Variants in MPHOSPH9 observed in about 807,000 individuals in gnomAD.
MPHOSPH9 encodes the protein M-phase phosphoprotein 9.
Under a neutral mutation model 145.5 loss-of-function variants are expected in MPHOSPH9, and 88 were observed. That is an observed-to-expected ratio of 0.60 (90% CI 0.51 to 0.72). The LOEUF is 0.72. MPHOSPH9 is among the 30% of genes least tolerant of loss of function. The probability of loss-of-function intolerance (pLI) is 0.00; values close to 1 mark genes in which losing one functional copy is unlikely to be tolerated. For missense variants in MPHOSPH9, 1,238 were observed against 1,386.6 expected, an observed-to-expected ratio of 0.89 and a Z score of 1.70; for synonymous variants, 435 against 486.2, an observed-to-expected ratio of 0.89 and a Z score of 1.39.
At chr12:123,238,044 C>T (rs1418984196), upstream of MPHOSPH9, among the ~76,000 whole-genome samples, 2 of 151,970 alleles carry the variant, frequency 1.3e-5, no homozygotes, top group African/African-American at 2.4e-5. Flanking sequence ...TACAGGTGCA[C>T]ACCACCACAT....
At chr12:123,208,325 T>C (rs2138426269) in intron 8 of MPHOSPH9, among the ~76,000 whole-genome samples, 1 of 150,042 alleles carries the variant, frequency 6.7e-6, no homozygotes, top group South Asian at 2.1e-4. Flanking sequence ...AATCACGAGG[T>C]CAAGAGATCG....
intron 6 of MPHOSPH9, 127 bp downstream of exon 6, chr12:123,218,249 A>C (rs539004917): frequency 2.8e-4 from 387 of 1,377,144 alleles, no homozygotes; most frequent in Middle Eastern, 8.0e-4. Context: ...ACAACAACAA[A>C]AAAAATGTAT....
intron 1 of MPHOSPH9, among the ~76,000 whole-genome samples, chr12:123,241,657 A>G (rs1327300876): frequency 6.6e-6 from 1 of 151,398 alleles, no homozygotes; most frequent in Non-Finnish European, 1.5e-5. Flanking sequence ...TTTTTTAGAG[A>G]TGAGGTCTCC....
chr12:123,152,557 G>A (rs1223356005), downstream of MPHOSPH9: 2 of 456,588 alleles, frequency 4.4e-6, no homozygotes, highest in South Asian at 3.1e-5. Flanking sequence ...TGTAGTCATA[G>A]AGATGACATG....
chr12:123,214,766 A>G lies in MPHOSPH9; in HGVS notation c.1065T>C (p.Ala355=). The G allele has an allele frequency of 6.2e-7, 1 of 1,613,028 alleles. No individual in the cohort carries two copies. The highest frequency in any genetic ancestry group is 1.1e-5 in the South Asian group (1 of 91,038). ...TACCTGTTCCTGAATCAGACATCCA[A>G]GCATTTGGAGTTTCATCTGGTTTAC... ...YLSKPDETPN[A]WMSDSGTGLT... The change falls in exon 7 of 24, where the codon GCT becomes GCC. Residue 355 remains alanine, a synonymous_variant. Transcript: ENST00000606320.
At chr12:123,215,671 C>G (rs1400566957) in intron 6 of MPHOSPH9, among the ~76,000 whole-genome samples, 1 of 152,102 alleles carries the variant, frequency 6.6e-6, no homozygotes, top group East Asian at 1.9e-4. Context: ...CAAATCAATC[C>G]TCACATCTCT....
At position 123,158,173 on chromosome 12, in the gene MPHOSPH9, A is replaced by G. The variant is rs553165137; in HGVS notation, c.3451-1265T>C. 1.1e-4 allele frequency among the ~76,000 whole-genome samples: 17 copies of G among 152,182 alleles called. No homozygotes were observed. In the South Asian group the frequency reaches 2.7e-3, roughly 24 times the overall value. ...CCCGGCTCATTTTCATATTTTTAGT[A>G]GAGACAGGGTTTCGCCATATTGGCC... On this transcript the variant is annotated intron_variant, in intron 23 of 23. Coordinates refer to ENST00000606320, the MANE Select transcript of MPHOSPH9 (RefSeq NM_022782.4).
chr12:123,199,074 C>T (rs1351692088), intron 11 of MPHOSPH9, among the ~76,000 whole-genome samples: 4 of 151,760 alleles, frequency 2.6e-5, no homozygotes, highest in East Asian at 3.9e-4. Flanking sequence ...GGTGCAATCA[C>T]GGTTCACTGC....
chr12:123,169,713 G>A (rs2044490329), intron 16 of MPHOSPH9, among the ~76,000 whole-genome samples: 1 of 150,482 alleles, frequency 6.6e-6, no homozygotes, highest in South Asian at 2.1e-4. Flanking sequence ...CAATTCTCCT[G>A]CCTCAGCCTC....
intron 16 of MPHOSPH9, among the ~76,000 whole-genome samples, chr12:123,175,620 T>C (rs992727664): frequency 6.6e-6 from 1 of 152,030 alleles, no homozygotes; most frequent in Non-Finnish European, 1.5e-5. Flanking sequence ...AGGCAATTTC[T>C]CTGCATGGAC....
chr12:123,204,345 T>C (rs1467245188), intron 8 of MPHOSPH9, among the ~76,000 whole-genome samples: 4 of 150,676 alleles, frequency 2.7e-5, no homozygotes, highest in Non-Finnish European at 3.0e-5. Context: ...GAATGAATGA[T>C]AGAAGGATGA....
intron 13 of MPHOSPH9, among the ~76,000 whole-genome samples, chr12:123,183,039 C>T (rs2045262430): frequency 6.6e-6 from 1 of 150,654 alleles, no homozygotes; most frequent in Non-Finnish European, 1.5e-5. Context: ...TATGGTAAAA[C>T]TCCGTCTCTA....
chr12:123,212,124 T>C (rs1285690535), intron 7 of MPHOSPH9, among the ~76,000 whole-genome samples: 2 of 151,978 alleles, frequency 1.3e-5, no homozygotes, highest in African/African-American at 4.8e-5. Flanking sequence ...AATCATGCAG[T>C]ATATAGGTGG....
chr12:123,201,111 A>G (rs1446599082), intron 11 of MPHOSPH9, among the ~76,000 whole-genome samples: 1 of 152,168 alleles, frequency 6.6e-6, no homozygotes, highest in African/African-American at 2.4e-5. Context: ...GTACCCCCAC[A>G]CTACTAAATG....
At chr12:123,207,026 G>A (rs1256164599) in intron 8 of MPHOSPH9, among the ~76,000 whole-genome samples, 1 of 150,878 alleles carries the variant, frequency 6.6e-6, no homozygotes, top group Non-Finnish European at 1.5e-5. Context: ...ACCAGCCTAG[G>A]CAACACAGCA....
chr12:123,218,311 A>C, intron 6 of MPHOSPH9, 65 bp downstream of exon 6: 1 of 1,589,904 alleles, frequency 6.3e-7, no homozygotes, highest in Non-Finnish European at 8.6e-7. Flanking sequence ...TTTGTTCATG[A>C]GCGTGTACTA....
At chr12:123,186,148 A>T (rs970083497) in intron 13 of MPHOSPH9, among the ~76,000 whole-genome samples, 4 of 145,622 alleles carry the variant, frequency 2.7e-5, no homozygotes, top group Admixed American at 7.1e-5. Flanking sequence ...CATTGCTTGA[A>T]CCCGGGAGGC....
rs2045852450 is a variant in MPHOSPH9, at chr12:123,194,431, A to G, written c.2196T>C (p.Asp732=). ...CTTGTTTTAGTTGAGCTTCTTTATC[A>G]TCTGAGAGTTTGTAAGCATTCTCAA... The part of the protein sequence containing the change: ...EAFENAYKLS[D]DKEAQLKQEN... The change falls in exon 13 of 24, where the codon GAT becomes GAC. Residue 732 remains aspartate, a synonymous_variant. Transcript: ENST00000606320. The G allele has an allele frequency of 6.2e-7, 1 of 1,607,392 alleles. No homozygotes were observed. Among genetic ancestry groups the G allele is most frequent in the African/African-American group, 1.3e-5 (1 of 74,814 alleles).
chr12:123,237,259 C>G (rs2047865886), upstream of MPHOSPH9, among the ~76,000 whole-genome samples: 1 of 152,042 alleles, frequency 6.6e-6, no homozygotes, highest in Non-Finnish European at 1.5e-5. Flanking sequence ...GAGAAACCCC[C>G]GCCTCTACTA....
Sources: allele counts gnomAD v4.1 joint callset (sites outside exome capture counted in the v4.1 genomes callset), GRCh38; gene constraint gnomAD v4.1.1; transcripts MANE v1.5; gene names NCBI Gene and HGNC (gene_info 2026-07-23, HGNC 2026-07-21).